STXBP5L: variants seen among roughly 807,000 people sequenced by gnomAD.
STXBP5L encodes syntaxin binding protein 5L, also known as syntaxin-binding protein 5-like.
In STXBP5L, 65 loss-of-function variants were observed where a neutral mutation model predicts 144.5. The ratio of observed to expected loss-of-function variants is 0.45; its 90% CI spans 0.37 to 0.55. The LOEUF is 0.55. Among genes scored for constraint, STXBP5L ranks in the 20% least tolerant of loss-of-function variants. The pLI is 0.00. For synonymous variants in STXBP5L, 505 were observed against 469.6 expected (o/e 1.08, Z -0.97); for missense variants, 1,298 against 1,405.5 (o/e 0.92, Z 1.22).
chr3:121,363,943 A>G (rs915829674), intron 20 of STXBP5L, among the ~76,000 whole-genome samples: 6 of 152,162 alleles, frequency 3.9e-5, no homozygotes, highest in African/African-American at 1.4e-4. Flanking sequence ...ATAGTCCCTT[A>G]CCAGATATAT....
intron 9 of STXBP5L, among the ~76,000 whole-genome samples, chr3:121,179,268 A>C (rs1411581487): frequency 1.3e-5 from 2 of 152,168 alleles, no homozygotes; most frequent in Non-Finnish European, 2.9e-5. Flanking sequence ...TAACTACAAT[A>C]ACCAACATCA....
At chr3:121,031,157 T>C (rs1257545360) in intron 3 of STXBP5L, among the ~76,000 whole-genome samples, 1 of 152,128 alleles carries the variant, frequency 6.6e-6, no homozygotes, top group Non-Finnish European at 1.5e-5. Flanking sequence ...CATAAGGAAT[T>C]TGAATATTAT....
chr3:121,277,844 G>C (rs1007185884), intron 18 of STXBP5L, among the ~76,000 whole-genome samples: 4 of 151,982 alleles, frequency 2.6e-5, no homozygotes, highest in Non-Finnish European at 5.9e-5. Context: ...CATGTATTAG[G>C]AGAGCTCTGC....
At chr3:121,403,754 G>A (rs2046936358) in intron 22 of STXBP5L, among the ~76,000 whole-genome samples, 1 of 152,060 alleles carries the variant, frequency 6.6e-6, no homozygotes. Flanking sequence ...CATTTCTCAG[G>A]AAACATCTTA....
intron 7 of STXBP5L, among the ~76,000 whole-genome samples, chr3:121,136,026 T>C (rs1376008758): frequency 6.6e-6 from 1 of 152,154 alleles, no homozygotes; most frequent in East Asian, 1.9e-4. Flanking sequence ...CCGACTACAG[T>C]GCCCTTAGGC....
intron 3 of STXBP5L, among the ~76,000 whole-genome samples, chr3:121,005,486 T>C (rs1463889445): frequency 6.6e-6 from 1 of 152,202 alleles, no homozygotes; most frequent in African/African-American, 2.4e-5. Flanking sequence ...ATTTTGTTGA[T>C]CTTTTCACAA....
At chr3:120,954,058 A>G (rs1468211396) in intron 2 of STXBP5L, among the ~76,000 whole-genome samples, 2 of 152,154 alleles carry the variant, frequency 1.3e-5, no homozygotes, top group Non-Finnish European at 2.9e-5. Flanking sequence ...GACAGTTATC[A>G]TTCACTTATC....
intron 9 of STXBP5L, among the ~76,000 whole-genome samples, chr3:121,165,390 G>A (rs1471723973): frequency 6.6e-6 from 1 of 152,044 alleles, no homozygotes; most frequent in Non-Finnish European, 1.5e-5. Context: ...ATGTTTGCCA[G>A]GCTACCATTT....
intron 5 of STXBP5L, among the ~76,000 whole-genome samples, chr3:121,103,634 TATA>T (rs2043545757): frequency 6.6e-6 from 1 of 152,134 alleles, no homozygotes; most frequent in Non-Finnish European, 1.5e-5. Context: ...CTCCTGAATC[TATA>T]ATAAAAGTTG....
At chr3:121,004,081 G>T (rs762845369) in intron 3 of STXBP5L, among the ~76,000 whole-genome samples, 2,875 of 152,138 alleles carry the variant, frequency 0.019, 47 homozygotes, top group Non-Finnish European at 0.027. Flanking sequence ...TTCCAATTCT[G>T]TGAAGAAAGT....
Position 120,993,512 on chromosome 3 carries a change from T to G in STXBP5L, c.287+38475T>G, listed in dbSNP as rs368124493. ...TCTGAGATTTAGGGGTCTAGTTTCA[T>G]TGTTCTACATAAGGATATGTCCAGT... On this transcript the variant is annotated intron_variant, in intron 3 of 26. Coordinates refer to ENST00000471454, the MANE Select transcript of STXBP5L (RefSeq NM_001308330.2). Among the ~76,000 whole-genome samples the G allele has an allele frequency of 2.0e-5, 3 of 152,082 alleles. No homozygotes were observed. In the East Asian group the frequency reaches 5.8e-4, roughly 29 times the overall value.
intron 9 of STXBP5L, among the ~76,000 whole-genome samples, chr3:121,183,708 G>A (rs1454734652): frequency 6.6e-6 from 1 of 151,962 alleles, no homozygotes; most frequent in African/African-American, 2.4e-5. Context: ...GCAAGGAAAC[G>A]AAAGCAAGGA....
chr3:121,076,350 A>AG lies in STXBP5L; in HGVS notation c.470+30821dup, dbSNP rs571649550. The stretch of plus-strand genomic sequence containing the variant: ...GTCAGGGATGGATAAATTGGTGCAT[A>AG]GGGGGGTGGACTTTCTAACTCTTCA... On this transcript the variant is annotated intron_variant, in intron 5 of 26. Coordinates refer to ENST00000471454, the MANE Select transcript of STXBP5L (RefSeq NM_001308330.2). Among the ~76,000 whole-genome samples the AG allele has an allele frequency of 2.6e-5, 4 of 152,202 alleles. No homozygotes were observed. In the South Asian group the frequency reaches 8.3e-4, roughly 32 times the overall value.
At position 121,289,051 on chromosome 3, in the gene STXBP5L, G is replaced by C. The variant is rs535633122; in HGVS notation, c.2110+9095G>C. On this transcript the variant is annotated intron_variant, in intron 19 of 26. Coordinates refer to ENST00000471454, the MANE Select transcript of STXBP5L (RefSeq NM_001308330.2). ...TTATTACTGGGTGACTAAATAATCT[G>C]TACACCAAACTCCCACAACATGCAG... Among the ~76,000 whole-genome samples the C allele has an allele frequency of 3.9e-5, 6 of 152,088 alleles. No individual in the cohort carries two copies. The South Asian group carries it at 1.2e-3, about 32-fold the overall frequency.
intron 3 of STXBP5L, among the ~76,000 whole-genome samples, chr3:120,997,029 GTAA>G (rs1943404470): frequency 6.6e-6 from 1 of 152,060 alleles, no homozygotes; most frequent in East Asian, 1.9e-4. Context: ...TCCCACTTAT[GTAA>G]GTGAGAACAT....
intron 20 of STXBP5L, among the ~76,000 whole-genome samples, chr3:121,356,362 G>A (rs576161328): frequency 8.5e-5 from 13 of 152,270 alleles, no homozygotes; most frequent in Middle Eastern, 3.4e-3. Context: ...TGAGCTTCCC[G>A]GCCACTCTGT....
At chr3:121,189,127 T>C (rs533599794) in intron 9 of STXBP5L, among the ~76,000 whole-genome samples, 6 of 152,366 alleles carry the variant, frequency 3.9e-5, no homozygotes, top group African/African-American at 1.2e-4. Context: ...ATTAGCCCTT[T>C]GTCAGATGAG....
At chr3:121,316,214 G>T (rs187258157) in intron 19 of STXBP5L, among the ~76,000 whole-genome samples, 4 of 152,176 alleles carry the variant, frequency 2.6e-5, no homozygotes, top group African/African-American at 9.6e-5. Flanking sequence ...GTTTTGACAC[G>T]TTGTAAATTG....
At chr3:121,165,862 G>T (rs7648360) in intron 9 of STXBP5L, among the ~76,000 whole-genome samples, 32,319 of 151,634 alleles carry the variant, frequency 0.21, 3,630 homozygotes, top group Non-Finnish European at 0.26. Context: ...CTTTATACTT[G>T]GCTTGTCTCA....
Sources: allele counts gnomAD v4.1 joint callset (sites outside exome capture counted in the v4.1 genomes callset), GRCh38; gene constraint gnomAD v4.1.1; transcripts MANE v1.5; gene names NCBI Gene and HGNC (gene_info 2026-07-23, HGNC 2026-07-21).